PRKCQ: variants seen among roughly 807,000 people sequenced by gnomAD.
PRKCQ encodes the protein protein kinase C theta type.
A neutral mutation model predicts 91.2 loss-of-function variants in PRKCQ; 41 were observed. That is an observed-to-expected ratio of 0.45 (90% CI 0.35 to 0.58). The LOEUF (loss-of-function observed/expected upper bound fraction) is 0.58, where lower values mean the gene tolerates loss of function less well. PRKCQ is among the 20% of genes least tolerant of loss of function. The pLI is 0.00. For synonymous variants in PRKCQ, 307 were observed against 316.9 expected, an observed-to-expected ratio of 0.97 and a Z score of 0.33; for missense variants, 673 against 896.5, an observed-to-expected ratio of 0.75 and a Z score of 3.18.
In PRKCQ at chr10:6,497,344, A is replaced by G; in HGVS notation, c.543-93T>C. 2 of 1,418,504 alleles carry G rather than the reference A, an allele frequency of 1.4e-6. No homozygotes were observed. Among genetic ancestry groups the G allele is most frequent in the Non-Finnish European group, 2.0e-6 (2 of 1,004,730 alleles). The allele number at this position is 1,418,504 out of a possible 1,614,324, so 87.9% of individuals were successfully genotyped here. A position where few individuals can be genotyped will look rare whatever the true frequency, so the allele number is the denominator to read the frequency against. The stretch of plus-strand genomic sequence containing the variant: ...GATGGATGAGATCTCATAACCCCCT[A>G]AGATCACAGAGCAGTTTCTGATCAG... On this transcript the variant is annotated intron_variant, in intron 5 of 17. Coordinates refer to ENST00000263125, the MANE Select transcript of PRKCQ (RefSeq NM_006257.5). The surrounding 1 kb of genome is among the most constrained non-coding windows in gnomAD (Gnocchi z 4.5).
rs938645590 is a variant in PRKCQ, at chr10:6,576,273, A to G, written c.-10+3938T>C. On this transcript the variant is annotated intron_variant, in intron 1 of 17. Coordinates refer to ENST00000263125, the MANE Select transcript of PRKCQ (RefSeq NM_006257.5). The surrounding 1 kb of genome is among the most constrained non-coding windows in gnomAD (Gnocchi z 4.2). ...TCTGCGTGTTCCTCTTCACGGCAGC[A>G]TTATTCACAATAATCAAAAGATAGA... Among the ~76,000 whole-genome samples the G allele has an allele frequency of 6.6e-6, 1 of 152,246 alleles. No individual in the cohort carries two copies. Among genetic ancestry groups the G allele is most frequent in the African/African-American group, 2.4e-5 (1 of 41,460 alleles).
Position 6,434,566 on chromosome 10 carries a change from C to T in PRKCQ, c.1837-3628G>A, listed in dbSNP as rs184870090. Among the ~76,000 whole-genome samples, 144 of 152,254 alleles carry T rather than the reference C, an allele frequency of 9.5e-4. 1 individual carries two copies. The highest frequency in any genetic ancestry group is 3.1e-3 in the African/African-American group (129 of 41,552). On this transcript the variant is annotated intron_variant, in intron 16 of 17. Transcript: ENST00000263125. ...GGGAGTGGGGCCAGGCTGGAAGCTC[C>T]GCCCCTGGAAAGCTGCACTGAGGAA...
At position 6,481,933 on chromosome 10, in the gene PRKCQ, T is replaced by C. The variant is rs193034714; in HGVS notation, c.1179+1507A>G. 3.9e-5 allele frequency among the ~76,000 whole-genome samples: 6 copies of C among 152,222 alleles called. No individual in the cohort carries two copies. In the East Asian group the frequency reaches 1.2e-3, roughly 29 times the overall value. ...TTAAATCACCAGCTTGAAAATTTTC[T>C]GCAGTCACCGGTAGTTGGTTATAAT... On this transcript the variant is annotated intron_variant, in intron 11 of 17. Transcript: ENST00000263125.
intron 16 of PRKCQ, among the ~76,000 whole-genome samples, chr10:6,431,176 C>T (rs1206752063): frequency 6.6e-6 from 1 of 152,222 alleles, no homozygotes; most frequent in Non-Finnish European, 1.5e-5. Flanking sequence ...TTGAAACCGG[C>T]TTTGCCCTGT....
chr10:6,407,248 C>T, the PRKCQ span, among the ~76,000 whole-genome samples: 1 of 149,182 alleles, frequency 6.7e-6, no homozygotes, highest in African/African-American at 2.5e-5. The surrounding 1 kb of genome is among the most constrained non-coding windows in gnomAD (Gnocchi z 4.0). Context: ...GTCCTGAATG[C>T]AGTGGGCGTG....
In PRKCQ at chr10:6,498,391, T is replaced by A; in HGVS notation, c.542+5A>T. On this transcript the variant is annotated splice_donor_5th_base_variant and intron_variant, in intron 5 of 17. Coordinates refer to ENST00000263125, the MANE Select transcript of PRKCQ (RefSeq NM_006257.5). ...AGCTTGGAGGGAGATGCCAAGTTAC[T>A]GTACCAGACAAACTCGTGGCAGACA... The A allele has an allele frequency of 6.2e-7, 1 of 1,613,988 alleles. No homozygotes were observed. The highest frequency in any genetic ancestry group is 8.5e-7 in the Non-Finnish European group (1 of 1,179,970).
chr10:6,567,408 G>A (rs1189767798), intron 1 of PRKCQ, among the ~76,000 whole-genome samples: 2 of 152,274 alleles, frequency 1.3e-5, no homozygotes, highest in African/African-American at 2.4e-5. Flanking sequence ...CACGGATGGA[G>A]ATGCAATTTG....
At position 6,497,229 on chromosome 10, in the gene PRKCQ, G is replaced by A; in HGVS notation, c.565C>T (p.Gln189Ter). The change falls in exon 6 of 18, where the codon CAG becomes TAG. Residue 189 changes from glutamine to a stop codon, truncating the protein, a stop_gained. Transcript: ENST00000263125. LOFTEE classifies it high-confidence loss of function. This position sits in a 1 kb window ranked among gnomAD's most constrained non-coding sequence, Gnocchi z 4.5. ...AAACCCTCTTACTTACGTCGGCACT[G>A]GTAGCCCTGTTTGTTCAGGCCCCTG... ...FVWGLNKQGY[Q>*]CRQCNAAIHK... 1 of 1,614,104 alleles carries A rather than the reference G, an allele frequency of 6.2e-7. No individual in the cohort carries two copies. Among genetic ancestry groups the A allele is most frequent in the Non-Finnish European group, 8.5e-7 (1 of 1,180,004 alleles).
rs746727874 is a variant in PRKCQ, at chr10:6,507,474, C to T, written c.341G>A (p.Arg114Gln). 21 of 1,613,606 alleles carry T rather than the reference C, an allele frequency of 1.3e-5. No individual in the cohort carries two copies. Among genetic ancestry groups the T allele is most frequent in the East Asian group, 2.2e-5 (1 of 44,872 alleles). ...AAAGTATCTTGCATTCATTAGCATT[C>T]GGCCTTGAGGTTTCAGCTCTAACTG... ...EIWLELKPQG[R>Q]MLMNARYFLE... is the part of the protein sequence containing the mutation. Residue 114 changes from arginine to glutamine, a missense_variant, in exon 4 of 18, where the codon CGA becomes CAA. Arg to Gln is a conservative substitution (Grantham distance 43, BLOSUM62 1). Transcript: ENST00000263125.
chr10:6,498,356 C>T, intron 5 of PRKCQ, 40 bp downstream of exon 5: 2 of 1,605,956 alleles, frequency 1.2e-6, no homozygotes, highest in Non-Finnish European at 1.7e-6. Flanking sequence ...CAACAAAATG[C>T]ATAACCCGAA....
the PRKCQ span, among the ~76,000 whole-genome samples, chr10:6,394,911 G>A: frequency 1.3e-5 from 2 of 152,122 alleles, no homozygotes; most frequent in African/African-American, 4.8e-5. Context: ...TCCTTGTGCC[G>A]GAACGGTGCG....
intron 4 of PRKCQ, among the ~76,000 whole-genome samples, chr10:6,503,735 A>C (rs1463666424): frequency 6.6e-6 from 1 of 152,188 alleles, no homozygotes; most frequent in Non-Finnish European, 1.5e-5. Context: ...GATATTCTCA[A>C]CATTTTTTCC....
chr10:6,447,452 C>G (rs12761250), intron 15 of PRKCQ, among the ~76,000 whole-genome samples: 2 of 151,610 alleles, frequency 1.3e-5, no homozygotes, highest in Non-Finnish European at 2.9e-5. Context: ...TAACTGCCTT[C>G]CTATTCTTTG....
At chr10:6,510,517 T>A (rs1039450822) in intron 3 of PRKCQ, among the ~76,000 whole-genome samples, 1 of 152,244 alleles carries the variant, frequency 6.6e-6, no homozygotes, top group African/African-American at 2.4e-5. Flanking sequence ...AAAATTAAGA[T>A]TTTGATATCT....
chr10:6,400,247 T>C, the PRKCQ span, among the ~76,000 whole-genome samples: 3 of 152,224 alleles, frequency 2.0e-5, no homozygotes, highest in Admixed American at 6.5e-5. Flanking sequence ...TAGCAAACTA[T>C]GTAATTTACT....
chr10:6,447,707 G>A (rs1273085063), intron 15 of PRKCQ, among the ~76,000 whole-genome samples: 4 of 152,150 alleles, frequency 2.6e-5, no homozygotes, highest in African/African-American at 9.7e-5. Context: ...CTGCCAGATG[G>A]CCTCTGTCCC....
the PRKCQ span, among the ~76,000 whole-genome samples, chr10:6,395,165 G>T: frequency 2.0e-5 from 3 of 147,362 alleles, no homozygotes; most frequent in East Asian, 4.0e-4. Context: ...CCGGGTTCAC[G>T]CCATTCTCCC....
intron 15 of PRKCQ, among the ~76,000 whole-genome samples, chr10:6,446,735 C>T (rs1264699273): frequency 3.3e-5 from 5 of 152,326 alleles, no homozygotes; most frequent in African/African-American, 7.2e-5. Flanking sequence ...CTCTCAGCCC[C>T]GGGACCTTGC....
chr10:6,497,306 A>C lies in PRKCQ; in HGVS notation c.543-55T>G. On this transcript the variant is annotated intron_variant, in intron 5 of 17. Coordinates refer to ENST00000263125, the MANE Select transcript of PRKCQ (RefSeq NM_006257.5). The surrounding 1 kb of genome is among the most constrained non-coding windows in gnomAD (Gnocchi z 4.5). ...AATGTTGGCATCAACATCAGCACCA[A>C]CAGCATTTAAGAGATGGATGAGATC... The C allele has an allele frequency of 1.2e-6, 2 of 1,604,162 alleles. No homozygotes were observed. Among genetic ancestry groups the C allele is most frequent in the South Asian group, 2.2e-5 (2 of 90,810 alleles).
Sources: allele counts gnomAD v4.1 joint callset (sites outside exome capture counted in the v4.1 genomes callset), GRCh38; gene constraint gnomAD v4.1.1; non-coding constraint Gnocchi (gnomAD v3.1); transcripts MANE v1.5; gene names NCBI Gene and HGNC (gene_info 2026-07-23, HGNC 2026-07-21).